The following DNAJB6 variants were observed in gnomAD, a reference collection of about 807,000 sequenced individuals.
DNAJB6 encodes the protein dnaJ homolog subfamily B member 6.
DNAJB6 carries 16 observed loss-of-function variants against 42.7 expected under a neutral mutation model. The observed-to-expected ratio is 0.37, with a 90% CI of 0.25 to 0.57. The LOEUF (loss-of-function observed/expected upper bound fraction) is 0.57, where lower values mean the gene tolerates loss of function less well. Ranked by LOEUF, DNAJB6 falls within the 20% of genes least tolerant of loss-of-function variation. DNAJB6 has a pLI of 0.74. For missense variants in DNAJB6, 347 were observed against 416.8 expected (o/e 0.83, Z 1.46); for synonymous variants, 170 against 163.5 (o/e 1.04, Z -0.30).
At chr7:157,346,862 T>C (rs2116880315) in intron 1 of DNAJB6, among the ~76,000 whole-genome samples, 1 of 152,220 alleles carries the variant, frequency 6.6e-6, no homozygotes, top group African/African-American at 2.4e-5. Context: ...TTCTTTTTTT[T>C]CTTGTTTTCT....
At chr7:157,339,588 C>T (rs1387265426) in intron 1 of DNAJB6, among the ~76,000 whole-genome samples, 1 of 150,070 alleles carries the variant, frequency 6.7e-6, no homozygotes, top group African/African-American at 2.5e-5. Flanking sequence ...CATGAGCCAC[C>T]GCGCCCGGCC....
intron 1 of DNAJB6, chr7:157,337,783 A>T (rs894754905): frequency 2.0e-5 from 3 of 152,240 alleles, no homozygotes; most frequent in African/African-American, 7.2e-5. Context: ...TTTATATAAG[A>T]AGTTTACATT....
chr7:157,407,210 A>AT (rs1188639230), intron 8 of DNAJB6, among the ~76,000 whole-genome samples: 3 of 152,018 alleles, frequency 2.0e-5, no homozygotes, highest in Admixed American at 1.3e-4. Flanking sequence ...CCCTGCCCCC[A>AT]TTTTCCCTCC....
At chr7:157,356,141 C>T (rs1799264219) in intron 1 of DNAJB6, among the ~76,000 whole-genome samples, 1 of 152,236 alleles carries the variant, frequency 6.6e-6, no homozygotes, top group African/African-American at 2.4e-5. Context: ...CATGGGGAGA[C>T]TGGTACTGAG....
intron 4 of DNAJB6, 61 bp from the exon 5 acceptor site, chr7:157,367,312 G>T (rs1031322349): frequency 1.8e-6 from 2 of 1,096,694 alleles, no homozygotes; most frequent in Non-Finnish European, 1.4e-6. Flanking sequence ...TGTCAACAAA[G>T]AATTCTTTGC....
intron 1 of DNAJB6, among the ~76,000 whole-genome samples, chr7:157,354,534 T>G (rs995391637): frequency 6.6e-6 from 1 of 152,116 alleles, no homozygotes; most frequent in Non-Finnish European, 1.5e-5. Context: ...GCTGGAGTGC[T>G]GTGGCACGCT....
intron 1 of DNAJB6, among the ~76,000 whole-genome samples, chr7:157,356,155 T>C (rs1326121381): frequency 6.6e-6 from 1 of 152,250 alleles, no homozygotes; most frequent in African/African-American, 2.4e-5. Flanking sequence ...TACTGAGATT[T>C]CTGCTCTTGT....
rs10264476 is a variant in DNAJB6 at position 157,363,422 on chromosome 7, T to C, written c.175+152T>C. On this transcript the variant is annotated intron_variant, in intron 3 of 9. Transcript: ENST00000262177. ...TGGGCCCTTCTAAGAGATTTTTACT[T>C]TTCTCGTGAAGATTTGAATTGATTT... 3,160 of 551,416 alleles carry C rather than the reference T, an allele frequency of 5.7e-3. 66 individuals carry two copies. The highest frequency in any genetic ancestry group is 0.051 in the African/African-American group (2,674 of 52,810). 34.2% of individuals were successfully genotyped at this position (551,416 alleles called of 1,614,324 possible).
chr7:157,409,814 C>T lies in DNAJB6; in HGVS notation c.711C>T (p.Ala237=). The change falls in exon 9 of 10, where the codon GCC becomes GCT. Residue 237 remains alanine, a synonymous_variant. Transcript: ENST00000262177. ...LTINGVADDD[A]LAEERMRRGQ... is the part of the protein sequence containing the mutation. ...CTGCAGGTGTGGCCGACGACGATGC[C>T]CTCGCTGAGGAGCGCATGCGGAGAG... is the stretch of plus-strand genomic sequence containing the variant. 6 of 1,530,402 alleles carry T rather than the reference C, an allele frequency of 3.9e-6. No homozygotes were observed. Among genetic ancestry groups the T allele is most frequent in the Non-Finnish European group, 4.4e-6 (5 of 1,143,120 alleles). 94.8% of individuals were successfully genotyped at this position (1,530,402 alleles called of 1,614,324 possible).
chr7:157,393,612 C>A (rs1187393135), intron 8 of DNAJB6, among the ~76,000 whole-genome samples: 1 of 152,170 alleles, frequency 6.6e-6, no homozygotes, highest in Non-Finnish European at 1.5e-5. Context: ...TACCCCAACA[C>A]CAGGTTCAGC....
Position 157,416,134 on chromosome 7 carries a change from T to C in DNAJB6, c.*36T>C, listed in dbSNP as rs768816202. ...AGGCACGCGGTGCACCCCCAGACGC[T>C]GGCGCTCCACCGTGCTCGGCATGCG... On this transcript the variant is annotated 3_prime_UTR_variant, in exon 10 of 10. Coordinates refer to ENST00000262177, the MANE Select transcript of DNAJB6 (RefSeq NM_058246.4). 3 of 1,602,322 alleles carry C rather than the reference T, an allele frequency of 1.9e-6. No homozygotes were observed. The highest frequency in any genetic ancestry group is 2.2e-5 in the South Asian group (2 of 90,192).
intron 8 of DNAJB6, among the ~76,000 whole-genome samples, chr7:157,399,093 T>C (rs1801727752): frequency 6.6e-6 from 1 of 152,104 alleles, no homozygotes; most frequent in Non-Finnish European, 1.5e-5. Flanking sequence ...TGGGGAATTT[T>C]AGGTTAATTT....
chr7:157,367,814 A>C (rs1467238539), intron 5 of DNAJB6, among the ~76,000 whole-genome samples: 2 of 152,046 alleles, frequency 1.3e-5, no homozygotes, highest in Non-Finnish European at 2.9e-5. Flanking sequence ...AACTGAGATC[A>C]TGCCATTGCA....
intron 8 of DNAJB6, among the ~76,000 whole-genome samples, chr7:157,390,435 T>TC (rs774465898): frequency 2.0e-5 from 3 of 152,330 alleles, no homozygotes; most frequent in Middle Eastern, 3.4e-3. Context: ...GTCATCCCAT[T>TC]CCCCCGCCTG....
At chr7:157,343,002 T>G (rs1006888640) in intron 1 of DNAJB6, among the ~76,000 whole-genome samples, 3 of 151,716 alleles carry the variant, frequency 2.0e-5, no homozygotes, top group Non-Finnish European at 4.4e-5. Flanking sequence ...TTTTTTTTTT[T>G]GTTGTTTGAG....
At chr7:157,372,906 C>T (rs1346731082) in intron 5 of DNAJB6, among the ~76,000 whole-genome samples, 3 of 152,108 alleles carry the variant, frequency 2.0e-5, no homozygotes, top group East Asian at 1.9e-4. Flanking sequence ...CCGATGTTGA[C>T]ATCATCTCCT....
chr7:157,410,269 G>A, intron 9 of DNAJB6: 1 of 715,012 alleles, frequency 1.4e-6, no homozygotes, highest in Non-Finnish European at 2.0e-6. Context: ...TGACAGAGCT[G>A]CCACGGCAGT....
intron 5 of DNAJB6, among the ~76,000 whole-genome samples, chr7:157,371,190 A>G (rs1241211768): frequency 2.0e-5 from 3 of 152,184 alleles, no homozygotes; most frequent in South Asian, 4.1e-4. Context: ...GTGTGGAAGA[A>G]TTGTCTTCCA....
intron 1 of DNAJB6, among the ~76,000 whole-genome samples, chr7:157,349,738 G>A (rs924034379): frequency 1.3e-5 from 2 of 152,238 alleles, no homozygotes; most frequent in Admixed American, 6.5e-5. Context: ...TCCGCCTCCC[G>A]GGTTCAAGCA....
Sources: gnomAD v4.1 joint callset for allele counts (sites outside exome capture counted in the v4.1 genomes callset) on GRCh38, gnomAD v4.1.1 for gene constraint, MANE v1.5 for transcripts, NCBI Gene and HGNC (gene_info 2026-07-23, HGNC 2026-07-21) for gene names.